LRP1B: variants seen among roughly 807,000 people sequenced by gnomAD.
LRP1B encodes low-density lipoprotein receptor-related protein 1B.
Under a neutral mutation model 556.6 loss-of-function variants are expected in LRP1B, and 217 were observed. The ratio of observed to expected loss-of-function variants is 0.39; its 90% confidence interval spans 0.35 to 0.44. The LOEUF (loss-of-function observed/expected upper bound fraction) is 0.44. Among genes scored for constraint, LRP1B ranks in the 20% least tolerant of loss-of-function variants. The pLI is 1.00. For missense variants in LRP1B, 5,053 were observed against 5,620.8 expected, an observed-to-expected ratio of 0.90 and a Z score of 3.23; for synonymous variants, 2,047 against 1,865.8, an observed-to-expected ratio of 1.10 and a Z score of -2.50.
At chr2:141,675,685 ATATATATATATG>A (rs960727879) in intron 2 of LRP1B, among the ~76,000 whole-genome samples, 1 of 10,042 alleles carries the variant, frequency 1.0e-4, no homozygotes, top group African/African-American at 2.0e-4. Context: ...TTTGGTATAT[ATATATATATATG>A]TATATGCACT....
intron 7 of LRP1B, among the ~76,000 whole-genome samples, chr2:141,107,166 G>T (rs2104954538): frequency 6.6e-6 from 1 of 152,038 alleles, no homozygotes; most frequent in Non-Finnish European, 1.5e-5. Flanking sequence ...AAAGTAAAGG[G>T]TTCTATTCAG....
At chr2:140,569,035 CA>C (rs1220703001) in intron 43 of LRP1B, among the ~76,000 whole-genome samples, 1 of 151,596 alleles carries the variant, frequency 6.6e-6, no homozygotes, top group African/African-American at 2.4e-5. Flanking sequence ...TGAAAACACT[CA>C]AAAGTATAAA....
chr2:141,027,003 C>T (rs1698234946), intron 11 of LRP1B, among the ~76,000 whole-genome samples: 1 of 151,892 alleles, frequency 6.6e-6, no homozygotes, highest in South Asian at 2.1e-4. Flanking sequence ...GCCTACCCTG[C>T]TTTGTATTCA....
chr2:140,306,604 G>A (rs1258232411), intron 83 of LRP1B, among the ~76,000 whole-genome samples: 1 of 147,292 alleles, frequency 6.8e-6, no homozygotes, highest in East Asian at 2.0e-4. Context: ...CAAAAAAACA[G>A]CTCCTGGATT....
chr2:142,112,205 AG>A (rs1409748440), intron 1 of LRP1B, among the ~76,000 whole-genome samples: 1 of 152,082 alleles, frequency 6.6e-6, no homozygotes, highest in Non-Finnish European at 1.5e-5. Context: ...TCTAATATCT[AG>A]TTTACAGAAA....
chr2:140,440,474 GT>G (rs1389761188), intron 66 of LRP1B, among the ~76,000 whole-genome samples: 2 of 152,124 alleles, frequency 1.3e-5, no homozygotes. Flanking sequence ...AAAGTGTTCT[GT>G]TTCTTTCCCA....
intron 42 of LRP1B, among the ~76,000 whole-genome samples, chr2:140,601,148 A>G (rs1329453185): frequency 6.6e-6 from 1 of 150,936 alleles, no homozygotes; most frequent in Non-Finnish European, 1.5e-5. Flanking sequence ...TATGGTTCCA[A>G]TCAGCTATGT....
chr2:141,346,993 G>T (rs534422501), intron 3 of LRP1B, among the ~76,000 whole-genome samples: 1 of 151,440 alleles, frequency 6.6e-6, no homozygotes, highest in African/African-American at 2.4e-5. Flanking sequence ...ATCTTTAACC[G>T]GAATAAAAAT....
intron 6 of LRP1B, among the ~76,000 whole-genome samples, chr2:141,228,276 A>C (rs753097501): frequency 6.6e-6 from 1 of 152,210 alleles, no homozygotes; most frequent in Non-Finnish European, 1.5e-5. Flanking sequence ...TCATAAATTA[A>C]ATGGATGCAT....
chr2:142,117,845 C>T (rs1707328014), intron 1 of LRP1B, among the ~76,000 whole-genome samples: 1 of 152,126 alleles, frequency 6.6e-6, no homozygotes, highest in Non-Finnish European at 1.5e-5. Context: ...TTACAAGTCA[C>T]CCACATCATC....
chr2:141,301,734 G>A (rs939959830), intron 3 of LRP1B, among the ~76,000 whole-genome samples: 6 of 152,058 alleles, frequency 3.9e-5, no homozygotes, highest in South Asian at 2.1e-4. Flanking sequence ...ACATACATAC[G>A]TTGACATGGA....
chr2:140,989,680 A>G (rs1429365), intron 16 of LRP1B, 23 bp from the exon 17 acceptor site: 6 of 1,609,132 alleles, frequency 3.7e-6, no homozygotes, highest in Non-Finnish European at 5.1e-6. Context: ...GGGAAGCAAG[A>G]TTAATTATTT....
intron 3 of LRP1B, 71 bp downstream of exon 3, chr2:141,480,324 AG>A: frequency 6.6e-7 from 1 of 1,510,148 alleles, no homozygotes; most frequent in Non-Finnish European, 9.1e-7. Context: ...GGCAGGTTAT[AG>A]GTTTTCTTTG....
intron 41 of LRP1B, among the ~76,000 whole-genome samples, chr2:140,675,866 T>C (rs1486080163): frequency 1.3e-5 from 2 of 152,188 alleles, no homozygotes; most frequent in Non-Finnish European, 2.9e-5. Flanking sequence ...CCTTAAAATG[T>C]TACTTAAAAT....
At chr2:141,222,136 AG>A (rs1683072409) in intron 6 of LRP1B, among the ~76,000 whole-genome samples, 1 of 151,982 alleles carries the variant, frequency 6.6e-6, no homozygotes, top group Non-Finnish European at 1.5e-5. Context: ...TCAATAAAAT[AG>A]ATAGCTAACT....
chr2:141,721,580 AT>A (rs1157066592), intron 2 of LRP1B, among the ~76,000 whole-genome samples: 2 of 152,160 alleles, frequency 1.3e-5, no homozygotes, highest in Admixed American at 1.3e-4. Context: ...AATGAAAGTA[AT>A]TTTTCATCTA....
intron 1 of LRP1B, among the ~76,000 whole-genome samples, chr2:141,870,282 T>C (rs904465386): frequency 1.3e-5 from 2 of 151,986 alleles, no homozygotes; most frequent in African/African-American, 4.8e-5. Flanking sequence ...TTCTCTACTC[T>C]GATGACTTCA....
intron 2 of LRP1B, among the ~76,000 whole-genome samples, chr2:141,632,873 A>C (rs1688964116): frequency 6.9e-6 from 1 of 144,574 alleles, no homozygotes; most frequent in Non-Finnish European, 1.5e-5. Context: ...AAGAACCAAA[A>C]AAAAAAAAAA....
At chr2:141,440,453 G>C (rs1250970468) in intron 3 of LRP1B, among the ~76,000 whole-genome samples, 1 of 152,196 alleles carries the variant, frequency 6.6e-6, no homozygotes, top group South Asian at 2.1e-4. Flanking sequence ...GCCAGAGGGC[G>C]GCTCCAAGGG....
Sources: allele counts gnomAD v4.1 joint callset (sites outside exome capture counted in the v4.1 genomes callset), GRCh38; gene constraint gnomAD v4.1.1; transcripts MANE v1.5; gene names NCBI Gene and HGNC (gene_info 2026-07-23, HGNC 2026-07-21).